Variants in TMEM72 observed in about 807,000 individuals in gnomAD.
TMEM72 encodes kidney-specific secretory protein of 37 kDa.
TMEM72 carries 9 observed loss-of-function variants against 16.3 expected under a neutral mutation model. That is an observed-to-expected ratio of 0.55 (90% CI 0.33 to 0.96). The LOEUF is 0.96. TMEM72 is among the 40% of genes least tolerant of loss of function. The pLI is 0.03. For synonymous variants in TMEM72, 160 were observed against 146.5 expected (o/e 1.09, Z -0.66); for missense variants, 324 against 337.8 (o/e 0.96, Z 0.32).
chr10:44,929,462 C>A (rs763856171), intron 2 of TMEM72, among the ~76,000 whole-genome samples: 1 of 149,972 alleles, frequency 6.7e-6, no homozygotes, highest in African/African-American at 2.5e-5. Context: ...GACCTCCACT[C>A]CCCCCCCTCC....
chr10:44,929,741 G>C (rs1411235663), intron 2 of TMEM72, among the ~76,000 whole-genome samples: 1 of 152,258 alleles, frequency 6.6e-6, no homozygotes, highest in African/African-American at 2.4e-5. Flanking sequence ...ACAGCAGGAG[G>C]CTTCTGACTC....
chr10:44,922,223 T>G (rs905487261), intron 1 of TMEM72, among the ~76,000 whole-genome samples: 5 of 152,132 alleles, frequency 3.3e-5, no homozygotes, highest in African/African-American at 1.2e-4. Context: ...CAGGTTGAAG[T>G]GAGGCCTTTG....
intron 2 of TMEM72, among the ~76,000 whole-genome samples, chr10:44,929,175 T>C (rs1284940047): frequency 6.6e-6 from 1 of 152,082 alleles, no homozygotes; most frequent in Non-Finnish European, 1.5e-5. Context: ...TGTCTTTTCT[T>C]CTCCACTACC....
Position 44,911,346 on chromosome 10 carries a change from TC to T in TMEM72, c.-166del. 1.6e-6 allele frequency: 1 copy of T among 638,688 alleles called. No individual in the cohort carries two copies. Among genetic ancestry groups the T allele is most frequent in the Non-Finnish European group, 2.7e-6 (1 of 367,060 alleles). The allele number at this position is 638,688 out of a possible 1,614,324, so 39.6% of individuals were successfully genotyped here. A position where few individuals can be genotyped will look rare whatever the true frequency, so the allele number is the denominator to read the frequency against. On this transcript the variant is annotated 5_prime_UTR_variant, in exon 1 of 5. Transcript: ENST00000389583. Reference sequence around the variant, plus strand: ...TGAGAGCACAGAAGGTGAGCCCTATTCACACCTCGGCCAGGCTGCGGTGGCC... The same window carrying T: ...TGAGAGCACAGAAGGTGAGCCCTATTACACCTCGGCCAGGCTGCGGTGGCC...
chr10:44,927,778 C>A, intron 1 of TMEM72, 143 bp from the exon 2 acceptor site: 1 of 791,050 alleles, frequency 1.3e-6, no homozygotes, highest in Non-Finnish European at 2.1e-6. Flanking sequence ...CTAGTCACAG[C>A]TGCCTGTATC....
Position 44,911,480 on chromosome 10 carries a change from C to T in TMEM72, c.-33C>T, listed in dbSNP as rs1318032747. ...TCAGGGCCGAAGACTTTGCTGCCTGCCCTGCCAGGACTTTGTCCTCACCCC... is the reference window on the plus strand; with the variant it reads ...TCAGGGCCGAAGACTTTGCTGCCTGTCCTGCCAGGACTTTGTCCTCACCCC... On this transcript the variant is annotated 5_prime_UTR_variant, in exon 1 of 5. Coordinates refer to ENST00000389583, the MANE Select transcript of TMEM72 (RefSeq NM_001123376.3). 1.9e-6 allele frequency: 3 copies of T among 1,547,198 alleles called. No individual in the cohort carries two copies. The African/African-American group carries it at 4.1e-5, about 21-fold the overall frequency.
At chr10:44,912,543 T>C (rs1839952639) in intron 1 of TMEM72, among the ~76,000 whole-genome samples, 1 of 152,214 alleles carries the variant, frequency 6.6e-6, no homozygotes, top group Non-Finnish European at 1.5e-5. Flanking sequence ...AATCACATAG[T>C]GCTTGTTCCT....
At chr10:44,928,407 T>C (rs1840236089) in intron 2 of TMEM72, among the ~76,000 whole-genome samples, 1 of 150,678 alleles carries the variant, frequency 6.6e-6, no homozygotes. Flanking sequence ...TCCATCCATC[T>C]ATTCATCCAT....
intron 2 of TMEM72, among the ~76,000 whole-genome samples, chr10:44,928,217 G>C (rs1840231433): frequency 6.6e-6 from 1 of 151,714 alleles, no homozygotes; most frequent in South Asian, 2.1e-4. Flanking sequence ...AATTGATCCA[G>C]CCAGCCACCC....
At chr10:44,932,514 C>T (rs984206496) in intron 3 of TMEM72, among the ~76,000 whole-genome samples, 5 of 152,202 alleles carry the variant, frequency 3.3e-5, no homozygotes, top group Non-Finnish European at 7.3e-5. Context: ...TACACCCCTT[C>T]GTGGGGCAGG....
intron 1 of TMEM72, among the ~76,000 whole-genome samples, chr10:44,919,094 G>A (rs1476783501): frequency 1.3e-5 from 2 of 152,124 alleles, no homozygotes; most frequent in South Asian, 2.1e-4. Context: ...AGTTTTAAAC[G>A]AAATCCAACA....
intron 1 of TMEM72, among the ~76,000 whole-genome samples, chr10:44,915,311 G>A (rs1371691719): frequency 1.3e-5 from 2 of 152,138 alleles, no homozygotes. Context: ...AATACTCAAA[G>A]CCCAAGCTTT....
rs1441997409 is a variant in TMEM72, at chr10:44,911,437, A to G, written c.-76A>G. 3 of 1,472,188 alleles carry G rather than the reference A, an allele frequency of 2.0e-6. No homozygotes were observed. Among genetic ancestry groups the G allele is most frequent in the Non-Finnish European group, 2.8e-6 (3 of 1,085,542 alleles). 91.2% of individuals were successfully genotyped at this position (1,472,188 alleles called of 1,614,324 possible). On this transcript the variant is annotated 5_prime_UTR_variant, in exon 1 of 5. Transcript: ENST00000389583. ...CAGCCAGCAGCCTCCTACCTACACAAGGGTGTTCGGGAGCATCTCAGGGCC... is the reference window on the plus strand; with the variant it reads ...CAGCCAGCAGCCTCCTACCTACACAGGGGTGTTCGGGAGCATCTCAGGGCC...
At chr10:44,929,541 A>G (rs1840260489) in intron 2 of TMEM72, among the ~76,000 whole-genome samples, 1 of 152,188 alleles carries the variant, frequency 6.6e-6, no homozygotes, top group African/African-American at 2.4e-5. Flanking sequence ...CTCCCGCCTC[A>G]GGGCAGGCCT....
chr10:44,931,673 C>T (rs1840299374), intron 2 of TMEM72, among the ~76,000 whole-genome samples: 1 of 152,200 alleles, frequency 6.6e-6, no homozygotes, highest in Admixed American at 6.5e-5. Flanking sequence ...GGAACACAGG[C>T]AGTGGGTGTC....
At position 44,911,490 on chromosome 10, in the gene TMEM72, A is replaced by G. The variant is rs1839936638; in HGVS notation, c.-23A>G. 6.5e-7 allele frequency: 1 copy of G among 1,549,654 alleles called. No homozygotes were observed. The highest frequency in any genetic ancestry group is 1.4e-5 in the African/African-American group (1 of 73,024). ...AGACTTTGCTGCCTGCCCTGCCAGGACTTTGTCCTCACCCCTGGCACCATG... is the reference window on the plus strand; with the variant it reads ...AGACTTTGCTGCCTGCCCTGCCAGGGCTTTGTCCTCACCCCTGGCACCATG... On this transcript the variant is annotated 5_prime_UTR_variant, in exon 1 of 5. Coordinates refer to ENST00000389583, the MANE Select transcript of TMEM72 (RefSeq NM_001123376.3).
chr10:44,931,986 C>T lies in TMEM72; in HGVS notation c.138-12C>T, dbSNP rs377596852. ...AGAGGCGCCAGCCTCCCTCACCTGT[C>T]TCCACCTGCAGGTTTACAGGAGCCG... On this transcript the variant is annotated splice_polypyrimidine_tract_variant and intron_variant, in intron 2 of 4. Coordinates refer to ENST00000389583, the MANE Select transcript of TMEM72 (RefSeq NM_001123376.3). 67 of 1,610,844 alleles carry T rather than the reference C, an allele frequency of 4.2e-5. No individual in the cohort carries two copies. The highest frequency in any genetic ancestry group is 2.1e-5 in the Non-Finnish European group (25 of 1,178,592).
At chr10:44,924,471 C>A (rs576551313) in intron 1 of TMEM72, among the ~76,000 whole-genome samples, 2 of 152,350 alleles carry the variant, frequency 1.3e-5, no homozygotes, top group African/African-American at 4.8e-5. Context: ...CAGTGCCTGG[C>A]CCAACCGGTA....
intron 2 of TMEM72, among the ~76,000 whole-genome samples, chr10:44,928,276 A>G (rs950943364): frequency 6.6e-6 from 1 of 151,576 alleles, no homozygotes; most frequent in African/African-American, 2.4e-5. Flanking sequence ...CCATCCATCC[A>G]CTCACCCACC....
Sources: gnomAD v4.1 joint callset for allele counts (sites outside exome capture counted in the v4.1 genomes callset) on GRCh38, gnomAD v4.1.1 for gene constraint, MANE v1.5 for transcripts, NCBI Gene and HGNC (gene_info 2026-07-23, HGNC 2026-07-21) for gene names.